The following FAT3 variants were observed in gnomAD, a reference collection of about 807,000 sequenced individuals.
FAT3 encodes protocadherin Fat 3.
A neutral mutation model predicts 310.2 loss-of-function variants in FAT3; 95 were observed. The ratio of observed to expected loss-of-function variants is 0.31; its 90% CI spans 0.26 to 0.36. The LOEUF (loss-of-function observed/expected upper bound fraction) is 0.36, where lower values mean the gene tolerates loss of function less well. Ranked by LOEUF, FAT3 falls within the 10% of genes least tolerant of loss-of-function variation. The probability of loss-of-function intolerance (pLI) is 1.00; values close to 1 mark genes in which losing one functional copy is unlikely to be tolerated. For synonymous variants in FAT3, 2,314 were observed against 2,192.9 expected, an observed-to-expected ratio of 1.06 and a Z score of -1.54; for missense variants, 5,408 against 5,715.6, an observed-to-expected ratio of 0.95 and a Z score of 1.74.
intron 1 of FAT3, among the ~76,000 whole-genome samples, chr11:92,293,246 G>A (rs1284911979): frequency 1.3e-5 from 2 of 151,470 alleles, no homozygotes; most frequent in East Asian, 2.0e-4. Context: ...GCCATGGAGG[G>A]GGGATGAGCT....
At chr11:92,423,961 G>T (rs149774949) in intron 2 of FAT3, among the ~76,000 whole-genome samples, 102 of 152,274 alleles carry the variant, frequency 6.7e-4, no homozygotes, top group African/African-American at 2.4e-3. Context: ...ACTAGTGTTT[G>T]ATCCAACAAG....
In FAT3 at chr11:92,710,702, G is replaced by A. The variant is rs531538400; in HGVS notation, c.3669+13257G>A. Among the ~76,000 whole-genome samples, 16 of 152,274 alleles carry A rather than the reference G, an allele frequency of 1.1e-4. No individual in the cohort carries two copies. In the East Asian group the frequency reaches 1.2e-3, roughly 11 times the overall value. The stretch of plus-strand genomic sequence containing the variant: ...AATGAAGAATTACAAATATCTCTGC[G>A]CAAGGCCGTGACAGACCCATGATGT... On this transcript the variant is annotated intron_variant, in intron 4 of 27. Coordinates refer to ENST00000525166, the MANE Select transcript of FAT3 (RefSeq NM_001367949.2).
chr11:92,446,534 A>C (rs1488291704), intron 2 of FAT3, among the ~76,000 whole-genome samples: 1 of 152,162 alleles, frequency 6.6e-6, no homozygotes, highest in East Asian at 1.9e-4. Flanking sequence ...ATCAAGTTAG[A>C]ATAAGCTTCT....
chr11:92,706,056 G>A (rs1219699212), intron 4 of FAT3, among the ~76,000 whole-genome samples: 2 of 151,628 alleles, frequency 1.3e-5, no homozygotes, highest in Non-Finnish European at 2.9e-5. Flanking sequence ...TGATGGAGAT[G>A]AGGGTGGTAG....
intron 22 of FAT3, among the ~76,000 whole-genome samples, chr11:92,871,730 A>G (rs964584077): frequency 6.6e-6 from 1 of 152,192 alleles, no homozygotes; most frequent in African/African-American, 2.4e-5. Flanking sequence ...GTTGGAAGTT[A>G]AGGGGAAACA....
intron 1 of FAT3, among the ~76,000 whole-genome samples, chr11:92,252,764 C>G (rs570521955): frequency 1.3e-5 from 2 of 152,234 alleles, no homozygotes; most frequent in South Asian, 4.1e-4. Context: ...CTCTAAAAGA[C>G]AGATTCACAA....
intron 1 of FAT3, among the ~76,000 whole-genome samples, chr11:92,307,343 T>A (rs1350895613): frequency 6.6e-6 from 1 of 152,182 alleles, no homozygotes; most frequent in African/African-American, 2.4e-5. Flanking sequence ...TTCCTTTGTT[T>A]AATTTGGCTC....
At chr11:92,291,790 A>T (rs1946703191) in intron 1 of FAT3, among the ~76,000 whole-genome samples, 1 of 152,096 alleles carries the variant, frequency 6.6e-6, no homozygotes, top group African/African-American at 2.4e-5. Context: ...AAATTCTCCA[A>T]CACATGATTT....
chr11:92,509,893 A>C (rs1953236500), intron 2 of FAT3, among the ~76,000 whole-genome samples: 3 of 152,170 alleles, frequency 2.0e-5, no homozygotes, highest in Non-Finnish European at 4.4e-5. Flanking sequence ...TTTATATTTC[A>C]TATTTTCTTC....
chr11:92,649,871 GTTCATATATA>G lies in FAT3; in HGVS notation c.3608-47511_3608-47502del, dbSNP rs1314594049. ...CATTTGTTAAACACCCACTTTGTAT[GTTCATATATA>G]TATATATATATATATATATATATAT... is the stretch of plus-strand genomic sequence containing the variant. On this transcript the variant is annotated intron_variant, in intron 3 of 27. Coordinates refer to ENST00000525166, the MANE Select transcript of FAT3 (RefSeq NM_001367949.2). Among the ~76,000 whole-genome samples the G allele has an allele frequency of 8.2e-4, 94 of 114,094 alleles. 3 individuals carry two copies. The highest frequency in any genetic ancestry group is 2.3e-3 in the African/African-American group (70 of 29,814). The allele number at this position is 114,094 out of a possible 152,430, so 74.9% of individuals were successfully genotyped here.
chr11:92,518,323 A>C (rs1953559078), intron 2 of FAT3, among the ~76,000 whole-genome samples: 2 of 152,288 alleles, frequency 1.3e-5, no homozygotes, highest in Middle Eastern at 3.4e-3. Flanking sequence ...ACCATGGAAT[A>C]CTATGCAGCC....
intron 1 of FAT3, among the ~76,000 whole-genome samples, chr11:92,345,086 C>A (rs986837990): frequency 5.9e-5 from 9 of 152,104 alleles, no homozygotes; most frequent in African/African-American, 2.2e-4. Flanking sequence ...TGTCATGGAA[C>A]ACAGTTTGGG....
chr11:92,693,928 C>G (rs1022155270), intron 3 of FAT3, among the ~76,000 whole-genome samples: 1 of 152,242 alleles, frequency 6.6e-6, no homozygotes, highest in East Asian at 1.9e-4. Context: ...ACTAACTAAC[C>G]TATTCATTCA....
At chr11:92,371,681 T>C (rs1449815256) in intron 2 of FAT3, among the ~76,000 whole-genome samples, 1 of 152,154 alleles carries the variant, frequency 6.6e-6, no homozygotes, top group Non-Finnish European at 1.5e-5. Context: ...CGTGCCACTG[T>C]GCTCCAGCTT....
intron 2 of FAT3, among the ~76,000 whole-genome samples, chr11:92,458,070 C>A (rs954254888): frequency 1.4e-4 from 22 of 152,218 alleles, no homozygotes; most frequent in Admixed American, 4.6e-4. Flanking sequence ...TGCTTATGCC[C>A]AGAAGAAAAC....
intron 1 of FAT3, among the ~76,000 whole-genome samples, chr11:92,314,025 C>A (rs1174544906): frequency 6.6e-6 from 1 of 152,204 alleles, no homozygotes; most frequent in Admixed American, 6.5e-5. Flanking sequence ...CATGCTGTAG[C>A]ATTGTTTGTT....
In FAT3 at chr11:92,809,846, A is replaced by T; in HGVS notation, c.9251A>T (p.Glu3084Val). The change falls in exon 13 of 28, where the codon GAG becomes GTG. Residue 3084 changes from glutamate to valine, a missense_variant. By Grantham distance (121) the Glu-to-Val change is moderately radical (BLOSUM62 -2). This residue lies in a region of FAT3 where 4,588 missense variants were observed against 4,809.8 expected (regional missense o/e 0.95). Transcript: ENST00000525166. ...SEFFLDPESG[E>V]LKTLALLDRE... is the part of the protein sequence containing the mutation. ...ATGCTGCCATTTATTTTCACAGGCG[A>T]GTTAAAAACCTTGGCTCTGTTGGAC... 6.2e-7 allele frequency: 1 copy of T among 1,610,040 alleles called. No individual in the cohort carries two copies. The highest frequency in any genetic ancestry group is 8.5e-7 in the Non-Finnish European group (1 of 1,176,768).
chr11:92,746,574 T>C lies in FAT3; in HGVS notation c.3670-15282T>C, dbSNP rs549128535. 1.7e-4 allele frequency among the ~76,000 whole-genome samples: 26 copies of C among 152,306 alleles called. No homozygotes were observed. The South Asian group carries it at 5.4e-3, about 32-fold the overall frequency. On this transcript the variant is annotated intron_variant, in intron 4 of 27. Transcript: ENST00000525166. ...CTCACATTTCAAAACCAGTCATGCA[T>C]TTCTGAAAGTCCCCCAAAGTCTTAA...
intron 22 of FAT3, among the ~76,000 whole-genome samples, chr11:92,878,634 T>TAAAAAAA (rs145900689): frequency 1.2e-3 from 26 of 21,188 alleles, no homozygotes; most frequent in African/African-American, 1.6e-3. Context: ...TGTTATGTGT[T>TAAAAAAA]AAAAAAAAAA....
Sources: allele counts gnomAD v4.1 joint callset (sites outside exome capture counted in the v4.1 genomes callset), GRCh38; gene constraint gnomAD v4.1.1; regional missense constraint gnomAD v4.1.1; transcripts MANE v1.5; gene names NCBI Gene and HGNC (gene_info 2026-07-23, HGNC 2026-07-21).